The following MTCH2 variants were observed in gnomAD, a reference collection of about 807,000 sequenced individuals.
MTCH2 encodes mitochondrial carrier homolog 2.
A neutral mutation model predicts 50.6 loss-of-function variants in MTCH2; 25 were observed. The observed-to-expected ratio is 0.49, with a 90% CI of 0.36 to 0.69. The LOEUF is 0.69. Among genes scored for constraint, MTCH2 ranks in the 30% least tolerant of loss-of-function variants. The pLI is 0.00. For synonymous variants in MTCH2, 106 were observed against 132.0 expected, an observed-to-expected ratio of 0.80 and a Z score of 1.35; for missense variants, 273 against 384.4, an observed-to-expected ratio of 0.71 and a Z score of 2.42.
chr11:47,617,359 A>G lies in MTCH2; in HGVS notation c.*1474T>C, dbSNP rs1289035027. On this transcript the variant is annotated 3_prime_UTR_variant, in exon 13 of 13. Coordinates refer to ENST00000302503, the MANE Select transcript of MTCH2 (RefSeq NM_014342.4). The stretch of plus-strand genomic sequence containing the variant: ...TTTACTTAAAGATTTTTTGGGAGAA[A>G]AAGGTAGGCAGCAAACATTTTTATA... 6.6e-6 allele frequency: 1 copy of G among 152,236 alleles called. No individual in the cohort carries two copies. Among genetic ancestry groups the G allele is most frequent in the Non-Finnish European group, 1.5e-5 (1 of 68,040 alleles). The allele number at this position is 152,236 out of a possible 1,614,324, so 9.4% of individuals were successfully genotyped here. A position where few individuals can be genotyped will look rare whatever the true frequency, so the allele number is the denominator to read the frequency against.
chr11:47,615,632 T>C (rs1340221446), downstream of MTCH2, among the ~76,000 whole-genome samples: 2 of 151,648 alleles, frequency 1.3e-5, no homozygotes, highest in African/African-American at 4.8e-5. Context: ...CATCCTAAGG[T>C]TGCTTTTTTT....
intron 6 of MTCH2, 36 bp from the exon 7 acceptor site, chr11:47,631,123 T>C: frequency 6.3e-7 from 1 of 1,583,748 alleles, no homozygotes; most frequent in Non-Finnish European, 8.7e-7. Flanking sequence ...TACAACTATG[T>C]TAAGGCCAGG....
At position 47,629,050 on chromosome 11, in the gene MTCH2, C is replaced by A. The variant is rs762311316; in HGVS notation, c.540-4G>T. 5 of 1,609,948 alleles carry A rather than the reference C, an allele frequency of 3.1e-6. No individual in the cohort carries two copies. Among genetic ancestry groups the A allele is most frequent in the African/African-American group, 1.3e-5 (1 of 74,696 alleles). On this transcript the variant is annotated splice_polypyrimidine_tract_variant and splice_region_variant and intron_variant, in intron 8 of 12. Transcript: ENST00000302503. ...TAGAAGGCGAGGAACAAGACCCCTA[C>A]ATGAAGAAACAATAAAAATAAGAAC...
chr11:47,631,933 T>C (rs1485744188), intron 5 of MTCH2, among the ~76,000 whole-genome samples: 1 of 152,196 alleles, frequency 6.6e-6, no homozygotes, highest in Non-Finnish European at 1.5e-5. Context: ...CTATTATAGT[T>C]ACTTCTCAAA....
rs200224785 is a variant in MTCH2 at position 47,618,860 on chromosome 11, A to G, written c.885T>C (p.Tyr295=). ...FFRKVPFGKT[Y]CCDLKMLI ...AAATTAACATTTTCAGGTCACAACA[A>G]TAAGTCTTCCCAAAGGGGACCTTCC... The change falls in exon 13 of 13, where the codon TAT becomes TAC. Residue 295 remains tyrosine (Y), a synonymous_variant. Transcript: ENST00000302503. The G allele has an allele frequency of 2.7e-5, 43 of 1,614,012 alleles. No individual in the cohort carries two copies. The highest frequency in any genetic ancestry group is 3.2e-5 in the Non-Finnish European group (38 of 1,179,938).
chr11:47,631,037 A>G lies in MTCH2; in HGVS notation c.478T>C (p.Cys160Arg). 6.2e-7 allele frequency: 1 copy of G among 1,610,094 alleles called. No homozygotes were observed. Among genetic ancestry groups the G allele is most frequent in the South Asian group, 1.1e-5 (1 of 90,986 alleles). Reference protein sequence around the residue: ...VQFIGRESKYCGLCDSIITIY... With the variant: ...VQFIGRESKYRGLCDSIITIY... ...GTATGTGAAAACAAAAATACTTACC[A>G]GTACTTGGATTCTCTGCCAATGAAC... The change falls in exon 7 of 13, where the codon TGT (cysteine) becomes CGT (arginine). Residue 160 changes from cysteine (C) to arginine (R), a missense_variant and splice_region_variant. By Grantham distance (180) the Cys-to-Arg change is radical (BLOSUM62 -3). Transcript: ENST00000302503.
At chr11:47,636,339 CAGG>C (rs912407421) in intron 3 of MTCH2, among the ~76,000 whole-genome samples, 4 of 151,796 alleles carry the variant, frequency 2.6e-5, no homozygotes, top group African/African-American at 9.7e-5. Flanking sequence ...GAAGCTGAGA[CAGG>C]AGAATTGCTT....
chr11:47,642,090 C>A (rs7108424), intron 1 of MTCH2, among the ~76,000 whole-genome samples: 152,016 of 152,248 alleles, frequency 1, 75,892 homozygotes, highest in Middle Eastern at 1. Context: ...ACCTCAGTGA[C>A]GAAGAACCAA....
rs2097312015 is a variant in MTCH2 at position 47,639,555 on chromosome 11, C to T, written c.88-504G>A. On this transcript the variant is annotated intron_variant, in intron 1 of 12. Coordinates refer to ENST00000302503, the MANE Select transcript of MTCH2 (RefSeq NM_014342.4). Reference sequence around the variant, plus strand: ...ACTTCATGTTAGAAGAACAGGCTGTCGGTCGGGCGCAGTGGCTCATGCCTT... The same window carrying T: ...ACTTCATGTTAGAAGAACAGGCTGTTGGTCGGGCGCAGTGGCTCATGCCTT... 2.6e-5 allele frequency among the ~76,000 whole-genome samples: 4 copies of T among 152,296 alleles called. No homozygotes were observed. In the South Asian group the frequency reaches 8.3e-4, roughly 32 times the overall value.
chr11:47,631,075 C>T lies in MTCH2; in HGVS notation c.440G>A (p.Arg147Lys). ...ITHPFHVITL[R>K]SMVQFIGRES... is the part of the protein sequence containing the mutation. ...TCTGCCAATGAACTGTACCATAGAT[C>T]TCAGAGTGATCACTGTGGAATATAG... Residue 147 changes from arginine (R) to lysine (K), a missense_variant, in exon 7 of 13, where the codon AGA becomes AAA. By Grantham distance (26) the Arg-to-Lys change is conservative. This residue lies in a region of MTCH2 where 203 missense variants were observed against 244.3 expected (regional missense o/e 0.83). Transcript: ENST00000302503. 6.2e-7 allele frequency: 1 copy of T among 1,613,042 alleles called. No individual in the cohort carries two copies. The highest frequency in any genetic ancestry group is 1.1e-5 in the South Asian group (1 of 91,040).
chr11:47,616,287 T>C (rs2097288366), downstream of MTCH2, among the ~76,000 whole-genome samples: 1 of 152,160 alleles, frequency 6.6e-6, no homozygotes, highest in Non-Finnish European at 1.5e-5. Context: ...GAGGAACAGT[T>C]TGTGGCAACT....
chr11:47,610,338 T>G, the MTCH2 span, among the ~76,000 whole-genome samples: 1 of 152,178 alleles, frequency 6.6e-6, no homozygotes, highest in Admixed American at 6.5e-5. Flanking sequence ...AAGTAGCCCC[T>G]CCCTTCTAAT....
the MTCH2 span, among the ~76,000 whole-genome samples, chr11:47,605,031 C>T: frequency 7.2e-5 from 11 of 152,106 alleles, no homozygotes; most frequent in South Asian, 2.1e-3. Flanking sequence ...CCCAGGTTCA[C>T]GCCATTCTCC....
chr11:47,630,229 A>G (rs562296845), intron 8 of MTCH2, among the ~76,000 whole-genome samples: 2 of 151,242 alleles, frequency 1.3e-5, no homozygotes, highest in East Asian at 3.9e-4. Context: ...CTGGTCTTGA[A>G]CTCCTGACCT....
the MTCH2 span, among the ~76,000 whole-genome samples, chr11:47,609,140 A>AGAAAAAAGAAAAAAGAAAAAAG: frequency 1.1e-5 from 1 of 93,308 alleles, no homozygotes; most frequent in Non-Finnish European, 2.0e-5. Context: ...AAAAAAAAAA[A>AGAAAAAAGAAAAAAGAAAAAAG]AAAAAAGAAA....
intron 11 of MTCH2, among the ~76,000 whole-genome samples, chr11:47,623,707 C>G (rs1043914749): frequency 9.2e-5 from 14 of 152,110 alleles, no homozygotes; most frequent in African/African-American, 3.4e-4. Context: ...AAAACAGTAA[C>G]ATGTTTAATG....
downstream of MTCH2, among the ~76,000 whole-genome samples, chr11:47,612,560 T>C (rs1282552495): frequency 6.7e-6 from 1 of 149,312 alleles, no homozygotes; most frequent in African/African-American, 2.5e-5. Flanking sequence ...CAAGACTCCA[T>C]CTCAAAAAAA....
chr11:47,605,543 C>T, the MTCH2 span, among the ~76,000 whole-genome samples: 2 of 152,256 alleles, frequency 1.3e-5, no homozygotes, highest in East Asian at 3.9e-4. Context: ...AGCTTTTCAT[C>T]CCAACAGTGG....
chr11:47,635,671 G>GT, intron 3 of MTCH2, 100 bp from the exon 4 acceptor site: 196 of 1,103,982 alleles, frequency 1.8e-4, no homozygotes, highest in Middle Eastern at 2.2e-4. Context: ...ATTAGCTGAA[G>GT]TTTTTTTTAA....
Sources: gnomAD v4.1 joint callset for allele counts (sites outside exome capture counted in the v4.1 genomes callset) on GRCh38, gnomAD v4.1.1 for gene constraint, gnomAD v4.1.1 regional missense constraint, MANE v1.5 for transcripts, NCBI Gene and HGNC (gene_info 2026-07-23, HGNC 2026-07-21) for gene names.